FAM135B: variants seen among roughly 807,000 people sequenced by gnomAD.
FAM135B encodes the protein family with sequence similarity 135 member B.
FAM135B carries 43 observed loss-of-function variants against 127.7 expected under a neutral mutation model. The observed-to-expected ratio is 0.34, with a 90% CI of 0.26 to 0.43. FAM135B has a LOEUF of 0.43. Ranked by LOEUF, FAM135B falls within the 20% of genes least tolerant of loss-of-function variation. The pLI is 1.00. For missense variants in FAM135B, 1,558 were observed against 1,725.6 expected, an observed-to-expected ratio of 0.90 and a Z score of 1.72; for synonymous variants, 670 against 665.1, an observed-to-expected ratio of 1.01 and a Z score of -0.11.
rs139843322 is a variant in FAM135B at position 138,416,827 on chromosome 8, G to C, written c.-19-48825C>G. Among the ~76,000 whole-genome samples the C allele has an allele frequency of 1.2e-3, 175 of 152,172 alleles. 4 individuals are homozygous for C. In the East Asian group the frequency reaches 0.012, roughly 11 times the overall value. ...AATGGAGGGAGGGTGCAGATGCAAGGCTAAAAGGGGAGGAAGGTAGAAGCC... is the reference window on the plus strand; with the variant it reads ...AATGGAGGGAGGGTGCAGATGCAAGCCTAAAAGGGGAGGAAGGTAGAAGCC... On this transcript the variant is annotated intron_variant, in intron 1 of 19. Transcript: ENST00000395297.
intron 12 of FAM135B, among the ~76,000 whole-genome samples, chr8:138,162,823 C>G (rs919621704): frequency 6.6e-6 from 1 of 151,960 alleles, no homozygotes; most frequent in Non-Finnish European, 1.5e-5. Context: ...TGACGTCAGA[C>G]AGAGAGAGAG....
chr8:138,462,205 T>C (rs796346924), intron 1 of FAM135B, among the ~76,000 whole-genome samples: 31 of 152,290 alleles, frequency 2.0e-4, no homozygotes, highest in African/African-American at 7.2e-4. Flanking sequence ...TATGTACATA[T>C]ATGTGGAATA....
At chr8:138,466,870 T>A (rs764849342) in intron 1 of FAM135B, among the ~76,000 whole-genome samples, 1 of 152,242 alleles carries the variant, frequency 6.6e-6, no homozygotes, top group African/African-American at 2.4e-5. Context: ...AGCAAATTTA[T>A]ACAAACTTTA....
At chr8:138,383,447 A>C (rs769818071) in intron 1 of FAM135B, among the ~76,000 whole-genome samples, 31 of 152,226 alleles carry the variant, frequency 2.0e-4, no homozygotes, top group Non-Finnish European at 4.0e-4. Flanking sequence ...GCTGATGTAG[A>C]GGTTGGTGGG....
intron 2 of FAM135B, among the ~76,000 whole-genome samples, chr8:138,320,322 C>T (rs1827365711): frequency 6.6e-6 from 1 of 152,106 alleles, no homozygotes; most frequent in Non-Finnish European, 1.5e-5. Context: ...AGGTAATTTG[C>T]CCACAGTCAC....
intron 1 of FAM135B, among the ~76,000 whole-genome samples, chr8:138,462,688 A>G (rs1339902266): frequency 6.6e-6 from 1 of 152,222 alleles, no homozygotes; most frequent in Non-Finnish European, 1.5e-5. Context: ...ATCATTTGAA[A>G]AAAAGGGAGT....
intron 9 of FAM135B, among the ~76,000 whole-genome samples, chr8:138,180,093 TAC>T (rs1361878164): frequency 6.6e-6 from 1 of 152,150 alleles, no homozygotes; most frequent in Non-Finnish European, 1.5e-5. Context: ...TTTAGATAGC[TAC>T]AGTTTAATAC....
In FAM135B at chr8:138,153,005, A is replaced by C; in HGVS notation, c.1470T>G (p.Asn490Lys). ...GAGATTCAGAGCACATGTCCATATG[A>C]TTTTGTGTGGCCACATTCTCACCTG... ...PEPGENVATQ[N>K]HMDMCSESQV... is the part of the protein sequence containing the mutation. The change falls in exon 13 of 20, where the codon AAT becomes AAG. Residue 490 changes from asparagine (N) to lysine (K), a missense_variant. Asn to Lys is a moderately conservative substitution (Grantham distance 94). Coordinates refer to ENST00000395297, the MANE Select transcript of FAM135B (RefSeq NM_015912.4). 1 of 1,614,170 alleles carries C rather than the reference A, an allele frequency of 6.2e-7. No individual in the cohort carries two copies. Among genetic ancestry groups the C allele is most frequent in the Non-Finnish European group, 8.5e-7 (1 of 1,180,036 alleles).
intron 11 of FAM135B, among the ~76,000 whole-genome samples, chr8:138,169,814 T>C (rs374635303): frequency 1.3e-5 from 2 of 152,196 alleles, no homozygotes; most frequent in South Asian, 2.1e-4. Flanking sequence ...GATTAAGCAA[T>C]ATAGCAGGAC....
intron 3 of FAM135B, among the ~76,000 whole-genome samples, chr8:138,274,564 C>G (rs1273931344): frequency 6.6e-6 from 1 of 152,120 alleles, no homozygotes; most frequent in Non-Finnish European, 1.5e-5. Flanking sequence ...TTGAGACCAA[C>G]CGGTCTCACC....
intron 3 of FAM135B, among the ~76,000 whole-genome samples, chr8:138,289,490 A>G (rs994867296): frequency 6.6e-6 from 1 of 152,174 alleles, no homozygotes; most frequent in African/African-American, 2.4e-5. Context: ...GGCCCTGGAC[A>G]TTTCTCAGAA....
At chr8:138,186,232 A>G (rs1447194174) in intron 9 of FAM135B, among the ~76,000 whole-genome samples, 1 of 152,248 alleles carries the variant, frequency 6.6e-6, no homozygotes, top group South Asian at 2.1e-4. Context: ...CTGTGAACAA[A>G]TCTATTTCTC....
intron 7 of FAM135B, among the ~76,000 whole-genome samples, chr8:138,217,504 C>T (rs1466831671): frequency 4.0e-5 from 6 of 149,032 alleles, no homozygotes; most frequent in Non-Finnish European, 5.9e-5. Flanking sequence ...GATCTCGGCT[C>T]ACTGCAAGCT....
At chr8:138,301,358 CCAAA>C (rs1345549548) in intron 3 of FAM135B, among the ~76,000 whole-genome samples, 2 of 152,224 alleles carry the variant, frequency 1.3e-5, no homozygotes, top group Non-Finnish European at 2.9e-5. Context: ...TTTGTTTTCT[CCAAA>C]CAATCAGGAT....
At chr8:138,470,262 G>C (rs1490374264) in intron 1 of FAM135B, among the ~76,000 whole-genome samples, 1 of 152,016 alleles carries the variant, frequency 6.6e-6, no homozygotes. Flanking sequence ...ACAAGAGCAG[G>C]AACAAATGCA....
At chr8:138,422,223 T>C (rs1193073417) in intron 1 of FAM135B, among the ~76,000 whole-genome samples, 1 of 152,142 alleles carries the variant, frequency 6.6e-6, no homozygotes, top group African/African-American at 2.4e-5. Flanking sequence ...AAAGATTTTA[T>C]GACGATGACT....
In FAM135B at chr8:138,155,529, G is replaced by A. The variant is rs550104263; in HGVS notation, c.1259-2313C>T. Among the ~76,000 whole-genome samples the A allele has an allele frequency of 8.5e-5, 13 of 152,270 alleles. No homozygotes were observed. The East Asian group carries it at 1.7e-3, about 20-fold the overall frequency. On this transcript the variant is annotated intron_variant, in intron 12 of 19. Transcript: ENST00000395297. Reference sequence around the variant, plus strand: ...TTGGATAAAGAGTCAAGACCCATCAGTGTGCTGTATTCAGGAGACCCATCT... The same window carrying A: ...TTGGATAAAGAGTCAAGACCCATCAATGTGCTGTATTCAGGAGACCCATCT...
rs2130474332 is a variant in FAM135B at position 138,132,091 on chromosome 8, T to C, written c.*502A>G. ...AGAGAATATGAATATGGGCATCACA[T>C]TTTCTTGAACAACTGACACATTTGA... On this transcript the variant is annotated 3_prime_UTR_variant, in exon 20 of 20. Coordinates refer to ENST00000395297, the MANE Select transcript of FAM135B (RefSeq NM_015912.4). The surrounding 1 kb of genome is among the most constrained non-coding windows in gnomAD (Gnocchi z 4.5). 1 of 155,910 alleles carries C rather than the reference T, an allele frequency of 6.4e-6. No individual in the cohort carries two copies. Among genetic ancestry groups the C allele is most frequent in the African/African-American group, 2.4e-5 (1 of 41,616 alleles). The allele number at this position is 155,910 out of a possible 1,614,324, so 9.7% of individuals were successfully genotyped here.
intron 1 of FAM135B, among the ~76,000 whole-genome samples, chr8:138,377,228 A>T (rs1308864295): frequency 6.6e-6 from 1 of 152,242 alleles, no homozygotes; most frequent in Non-Finnish European, 1.5e-5. Context: ...CTTTATGAAA[A>T]GGGAAAACAT....
Sources: allele counts gnomAD v4.1 joint callset (sites outside exome capture counted in the v4.1 genomes callset), GRCh38; gene constraint gnomAD v4.1.1; non-coding constraint Gnocchi (gnomAD v3.1); transcripts MANE v1.5; gene names NCBI Gene and HGNC (gene_info 2026-07-23, HGNC 2026-07-21).